Variants in SHANK2 observed in about 807,000 individuals in gnomAD.
SHANK2 encodes SH3 and multiple ankyrin repeat domains protein 2.
SHANK2 carries 43 observed loss-of-function variants against 133.7 expected under a neutral mutation model. The ratio of observed to expected loss-of-function variants is 0.32; its 90% CI spans 0.25 to 0.41. The LOEUF (loss-of-function observed/expected upper bound fraction) is 0.41, where lower values mean the gene tolerates loss of function less well. Ranked by LOEUF, SHANK2 falls within the 10% of genes least tolerant of loss-of-function variation. The probability of loss-of-function intolerance (pLI) is 1.00; values close to 1 mark genes in which losing one functional copy is unlikely to be tolerated. For synonymous variants in SHANK2, 1,017 were observed against 952.8 expected (o/e 1.07, Z -1.24); for missense variants, 1,994 against 2,235.8 (o/e 0.89, Z 2.18).
intron 8 of SHANK2, among the ~76,000 whole-genome samples, chr11:71,088,849 C>T (rs1412874132): frequency 6.7e-6 from 1 of 149,768 alleles, no homozygotes; most frequent in Non-Finnish European, 1.5e-5. Flanking sequence ...GGTGACTGCA[C>T]CACCCCACCA....
At chr11:71,191,883 T>C (rs1953800637) in intron 2 of SHANK2, among the ~76,000 whole-genome samples, 1 of 150,644 alleles carries the variant, frequency 6.6e-6, no homozygotes, top group African/African-American at 2.5e-5. Flanking sequence ...TTTTTTAAGA[T>C]AGAGTCTCGC....
intron 2 of SHANK2, among the ~76,000 whole-genome samples, chr11:71,161,557 C>T (rs2135465230): frequency 6.6e-6 from 1 of 152,306 alleles, no homozygotes; most frequent in African/African-American, 2.4e-5. Context: ...TTATCTTAAC[C>T]CAGACATTCC....
At chr11:70,598,554 C>T (rs2060432724) in intron 17 of SHANK2, among the ~76,000 whole-genome samples, 1 of 152,154 alleles carries the variant, frequency 6.6e-6, no homozygotes, top group Admixed American at 6.5e-5. Context: ...AGAGAGAACA[C>T]TCCCCAGCTT....
rs1951577433 is a variant in SHANK2, at chr11:71,094,715, A to G, written c.593-27T>C. The stretch of plus-strand genomic sequence containing the variant: ...TGAGGAACCCAAACACACACACTTT[A>G]GAACCAACATTTGTCACACTGCTCA... On this transcript the variant is annotated intron_variant, in intron 6 of 25. Transcript: ENST00000601538. 3 of 1,545,764 alleles carry G rather than the reference A, an allele frequency of 1.9e-6. No individual in the cohort carries two copies. The African/African-American group carries it at 4.1e-5, about 21-fold the overall frequency.
intron 12 of SHANK2, among the ~76,000 whole-genome samples, chr11:70,809,281 G>C (rs1948230806): frequency 6.6e-6 from 1 of 152,242 alleles, no homozygotes. Flanking sequence ...AACTTTAGGT[G>C]CTGTGGCCTC....
intron 17 of SHANK2, among the ~76,000 whole-genome samples, chr11:70,652,537 G>A (rs1456185370): frequency 6.6e-6 from 1 of 152,156 alleles, no homozygotes; most frequent in Admixed American, 6.5e-5. Context: ...GAGGCCGGGT[G>A]GGGTGCATGC....
At chr11:70,780,659 T>C (rs1450619333) in intron 14 of SHANK2, among the ~76,000 whole-genome samples, 4 of 150,768 alleles carry the variant, frequency 2.7e-5, no homozygotes, top group Non-Finnish European at 5.9e-5. Flanking sequence ...CTGCAACCTC[T>C]ACCTCTGGGT....
At chr11:71,148,260 C>A (rs1308017006) in intron 2 of SHANK2, among the ~76,000 whole-genome samples, 1 of 152,154 alleles carries the variant, frequency 6.6e-6, no homozygotes, top group Non-Finnish European at 1.5e-5. Context: ...AATTTTGTAT[C>A]TTTAGTAGAG....
chr11:70,695,039 G>A (rs1229418723), intron 15 of SHANK2, among the ~76,000 whole-genome samples: 2 of 152,138 alleles, frequency 1.3e-5, no homozygotes, highest in Non-Finnish European at 2.9e-5. Flanking sequence ...AGACAGTCAG[G>A]GATGAACAAC....
rs567343478 is a variant in SHANK2 at position 71,238,618 on chromosome 11, C to A, written c.-113+13807G>T. ...CGGAGAGGCCAGAGGCCCCTCCTGG[C>A]CAGTGCTATGCTCCCTCTGTGGCCC... On this transcript the variant is annotated intron_variant, in intron 1 of 25. Coordinates refer to ENST00000601538, the MANE Select transcript of SHANK2 (RefSeq NM_012309.5). 3.1e-4 allele frequency among the ~76,000 whole-genome samples: 47 copies of A among 152,310 alleles called. No homozygotes were observed. In the South Asian group the frequency reaches 7.2e-3, roughly 23 times the overall value.
intron 3 of SHANK2, among the ~76,000 whole-genome samples, chr11:71,133,664 T>C (rs565634832): frequency 1.2e-4 from 18 of 152,004 alleles, no homozygotes; most frequent in Non-Finnish European, 2.5e-4. Flanking sequence ...CTGGTTAGGC[T>C]GGAGTCAGTG....
intron 2 of SHANK2, among the ~76,000 whole-genome samples, chr11:71,194,261 C>T (rs1953853488): frequency 6.6e-6 from 1 of 152,182 alleles, no homozygotes; most frequent in Non-Finnish European, 1.5e-5. Context: ...ACCACAGTTA[C>T]TCACGGGGAC....
chr11:71,086,960 A>G (rs2135074492), intron 8 of SHANK2, among the ~76,000 whole-genome samples: 1 of 152,314 alleles, frequency 6.6e-6, no homozygotes, highest in Admixed American at 6.5e-5. Context: ...TTTCATGAAC[A>G]GGCAGCAGAC....
intron 9 of SHANK2, among the ~76,000 whole-genome samples, chr11:71,074,190 G>A (rs1232828042): frequency 6.6e-6 from 1 of 152,086 alleles, no homozygotes; most frequent in Non-Finnish European, 1.5e-5. Context: ...AGGCCTTCCC[G>A]GTGCCCCCCA....
chr11:70,784,925 C>A (rs539910391), intron 14 of SHANK2, among the ~76,000 whole-genome samples: 34 of 152,334 alleles, frequency 2.2e-4, no homozygotes, highest in African/African-American at 7.9e-4. Flanking sequence ...CACAGGTGGT[C>A]CCCTGCAGGC....
At chr11:70,731,580 T>C (rs959189353) in intron 14 of SHANK2, among the ~76,000 whole-genome samples, 2 of 152,216 alleles carry the variant, frequency 1.3e-5, no homozygotes, top group Non-Finnish European at 2.9e-5. Context: ...GCTGTGTCAG[T>C]CCCTCATTCC....
At position 70,502,266 on chromosome 11, in the gene SHANK2, C is replaced by T; in HGVS notation, c.2218G>A (p.Ala740Thr). ...CGCAGGGTGAGGGCTGTGGTCGGTG[C>T]CCGCTTTGGAGGCGGGGGAGCTGGA... ...RKKAPPPPKR[A>T]PTTALTLRSK... Residue 740 changes from alanine (A) to threonine (T), a missense_variant, in exon 19 of 26, where the codon GCA (alanine) becomes ACA (threonine). Ala to Thr is a moderately conservative substitution (Grantham distance 58). Transcript: ENST00000601538. 2 of 1,557,852 alleles carry T rather than the reference C, an allele frequency of 1.3e-6. No homozygotes were observed. Among genetic ancestry groups the T allele is most frequent in the Non-Finnish European group, 1.7e-6 (2 of 1,149,632 alleles).
intron 10 of SHANK2, among the ~76,000 whole-genome samples, chr11:70,946,391 A>C (rs1950735695): frequency 6.9e-6 from 1 of 145,954 alleles, no homozygotes; most frequent in Non-Finnish European, 1.5e-5. Context: ...CTCTCTACTA[A>C]CCAACCCTTC....
chr11:70,562,844 A>C (rs1554981138), intron 17 of SHANK2, among the ~76,000 whole-genome samples: 1 of 151,320 alleles, frequency 6.6e-6, no homozygotes, highest in Non-Finnish European at 1.5e-5. Context: ...CAATTCTCTC[A>C]TTTTCTGCCT....
Sources: gnomAD v4.1 joint callset for allele counts (sites outside exome capture counted in the v4.1 genomes callset) on GRCh38, gnomAD v4.1.1 for gene constraint, MANE v1.5 for transcripts, NCBI Gene and HGNC (gene_info 2026-07-23, HGNC 2026-07-21) for gene names.